The following FHIT variants were observed in gnomAD, a reference collection of about 807,000 sequenced individuals.
FHIT encodes the protein bis(5'-adenosyl)-triphosphatase.
A neutral mutation model predicts 17.9 loss-of-function variants in FHIT; 19 were observed. The ratio of observed to expected loss-of-function variants is 1.06; its 90% CI spans 0.74 to 1.56. The LOEUF is 1.56. FHIT is among the 40% of genes most tolerant of loss of function. FHIT has a pLI of 0.00. For synonymous variants in FHIT, 81 were observed against 69.7 expected (o/e 1.16, Z -0.81); for missense variants, 248 against 189.2 (o/e 1.31, Z -1.82).
rs1165236372 is a variant in FHIT at position 60,621,370 on chromosome 3, C to T, written c.-17-84391G>A. Among the ~76,000 whole-genome samples, 7 of 151,796 alleles carry T rather than the reference C, an allele frequency of 4.6e-5. No individual in the cohort carries two copies. In the South Asian group the frequency reaches 8.3e-4, roughly 18 times the overall value. On this transcript the variant is annotated intron_variant, in intron 4 of 9. Transcript: ENST00000492590. ...TACATTACAATGGCCAGGCTGGTCTCGAACTCCTGACCTCATGATCTGCCC... is the reference window on the plus strand; with the variant it reads ...TACATTACAATGGCCAGGCTGGTCTTGAACTCCTGACCTCATGATCTGCCC...
chr3:59,969,228 A>T (rs1258479686), intron 7 of FHIT, among the ~76,000 whole-genome samples: 1 of 152,178 alleles, frequency 6.6e-6, no homozygotes, highest in Non-Finnish European at 1.5e-5. Flanking sequence ...AGAATGTCTC[A>T]TGGTTCTTTC....
intron 4 of FHIT, among the ~76,000 whole-genome samples, chr3:60,749,985 G>T (rs184899767): frequency 2.4e-3 from 370 of 152,236 alleles, no homozygotes; most frequent in Non-Finnish European, 4.0e-3. Context: ...ATTTTATGAC[G>T]TAGGCACTAC....
At chr3:60,443,375 T>G (rs1384133468) in intron 5 of FHIT, among the ~76,000 whole-genome samples, 1 of 152,114 alleles carries the variant, frequency 6.6e-6, no homozygotes, top group Non-Finnish European at 1.5e-5. Flanking sequence ...ATGCTTCCAG[T>G]TTTTGCCCAT....
At chr3:60,514,060 C>T (rs1452922062) in intron 5 of FHIT, among the ~76,000 whole-genome samples, 9 of 152,194 alleles carry the variant, frequency 5.9e-5, no homozygotes, top group Admixed American at 5.9e-4. Context: ...CCCTTTCCAG[C>T]TCCCCATCCT....
At chr3:60,602,189 T>C (rs191014904) in intron 4 of FHIT, among the ~76,000 whole-genome samples, 3 of 152,264 alleles carry the variant, frequency 2.0e-5, no homozygotes, top group Admixed American at 1.3e-4. Context: ...AATGATACAG[T>C]ATCCTGAGAA....
chr3:60,166,618 T>C (rs1399940328), intron 5 of FHIT, among the ~76,000 whole-genome samples: 1 of 152,174 alleles, frequency 6.6e-6, no homozygotes, highest in African/African-American at 2.4e-5. Context: ...ACAGCAAAGA[T>C]GAATCCCAGC....
chr3:61,144,513 A>G (rs1196397241), intron 2 of FHIT, among the ~76,000 whole-genome samples: 2 of 152,210 alleles, frequency 1.3e-5, no homozygotes, highest in East Asian at 3.8e-4. Context: ...TTCATGTACA[A>G]GTTTTTGTGT....
chr3:60,071,409 T>C (rs553475648), intron 5 of FHIT, among the ~76,000 whole-genome samples: 49 of 152,306 alleles, frequency 3.2e-4, no homozygotes, highest in African/African-American at 1.2e-3. Context: ...GCTTGCATCA[T>C]ATTTCTACCG....
intron 3 of FHIT, among the ~76,000 whole-genome samples, chr3:60,868,094 A>G (rs565284819): frequency 4.1e-4 from 62 of 152,286 alleles, no homozygotes; most frequent in African/African-American, 1.4e-3. Context: ...ATAAAAACAT[A>G]AGAAGGTTGG....
At chr3:60,071,929 C>T (rs142887145) in intron 5 of FHIT, among the ~76,000 whole-genome samples, 36 of 152,304 alleles carry the variant, frequency 2.4e-4, no homozygotes, top group African/African-American at 6.7e-4. Flanking sequence ...CCATGTAAGA[C>T]GTTCCTTTGC....
chr3:60,243,431 C>T (rs1705233534), intron 5 of FHIT, among the ~76,000 whole-genome samples: 1 of 152,078 alleles, frequency 6.6e-6, no homozygotes, highest in Admixed American at 6.6e-5. Flanking sequence ...TTGTCAAGAA[C>T]TACTGGCCAT....
chr3:59,929,966 G>C (rs1705886320), intron 7 of FHIT, among the ~76,000 whole-genome samples: 1 of 152,018 alleles, frequency 6.6e-6, no homozygotes, highest in South Asian at 2.1e-4. Flanking sequence ...ACGAGTAAGG[G>C]AAGGAAACAA....
At chr3:59,835,837 T>C (rs748143338) in intron 8 of FHIT, among the ~76,000 whole-genome samples, 14 of 152,144 alleles carry the variant, frequency 9.2e-5, no homozygotes, top group Non-Finnish European at 1.3e-4. Context: ...CTGGAGGGAA[T>C]TGAATACTGG....
At chr3:60,568,286 G>C (rs1001339904) in intron 4 of FHIT, among the ~76,000 whole-genome samples, 1 of 152,126 alleles carries the variant, frequency 6.6e-6, no homozygotes, top group African/African-American at 2.4e-5. Context: ...CATAAAAAAT[G>C]ATGAGTTCAT....
chr3:60,330,624 G>A (rs148886020), intron 5 of FHIT, among the ~76,000 whole-genome samples: 3 of 152,162 alleles, frequency 2.0e-5, no homozygotes, highest in East Asian at 1.9e-4. Context: ...CACCAAACCC[G>A]TTTCTAGAAA....
intron 2 of FHIT, among the ~76,000 whole-genome samples, chr3:61,077,568 C>T (rs1030040861): frequency 2.6e-5 from 4 of 152,130 alleles, no homozygotes; most frequent in Non-Finnish European, 5.9e-5. Flanking sequence ...ACTTCCTCCC[C>T]ACTGATCTTA....
At chr3:60,832,665 T>C (rs73111725) in intron 3 of FHIT, among the ~76,000 whole-genome samples, 11,382 of 151,554 alleles carry the variant, frequency 0.075, 517 homozygotes, top group African/African-American at 0.12. Context: ...GTGTTGATAA[T>C]GTGCTGCTTT....
chr3:60,913,947 C>A (rs1706871595), intron 3 of FHIT, among the ~76,000 whole-genome samples: 1 of 152,190 alleles, frequency 6.6e-6, no homozygotes. Context: ...CTGGAACTGG[C>A]ACTGTGCATT....
At chr3:60,561,703 G>A (rs915964978) in intron 4 of FHIT, among the ~76,000 whole-genome samples, 4 of 152,132 alleles carry the variant, frequency 2.6e-5, no homozygotes, top group African/African-American at 9.7e-5. Flanking sequence ...AGGACTGACG[G>A]CTCATTCTCA....
Sources: allele counts gnomAD v4.1 joint callset (sites outside exome capture counted in the v4.1 genomes callset), GRCh38; gene constraint gnomAD v4.1.1; transcripts MANE v1.5; gene names NCBI Gene and HGNC (gene_info 2026-07-23, HGNC 2026-07-21).